CALN1: variants seen among roughly 807,000 people sequenced by gnomAD.
CALN1 encodes the protein calcium-binding protein 8.
Under a neutral mutation model 30.6 loss-of-function variants are expected in CALN1, and 17 were observed. That is an observed-to-expected ratio of 0.56 (90% CI 0.38 to 0.83). The LOEUF (loss-of-function observed/expected upper bound fraction) is 0.83. CALN1 is among the 40% of genes least tolerant of loss of function. The pLI is 0.00. For missense variants in CALN1, 291 were observed against 354.9 expected, an observed-to-expected ratio of 0.82 and a Z score of 1.45; for synonymous variants, 156 against 131.4, an observed-to-expected ratio of 1.19 and a Z score of -1.28.
chr7:72,501,207 G>A, the CALN1 span, among the ~76,000 whole-genome samples: 1 of 151,390 alleles, frequency 6.6e-6, no homozygotes, highest in African/African-American at 2.4e-5. Context: ...TTTCAAGGAT[G>A]AGTGGCTTCA....
intron 5 of CALN1, among the ~76,000 whole-genome samples, chr7:71,849,747 G>A (rs1159590730): frequency 6.6e-6 from 1 of 152,076 alleles, no homozygotes; most frequent in Non-Finnish European, 1.5e-5. Flanking sequence ...AGGCTCAATG[G>A]ATCCTCCCAC....
In CALN1 at chr7:72,149,454, G is replaced by A. The variant is rs901879701; in HGVS notation, c.245-43160C>T. Among the ~76,000 whole-genome samples, 3 of 152,034 alleles carry A rather than the reference G, an allele frequency of 2.0e-5. No individual in the cohort carries two copies. In the East Asian group the frequency reaches 5.8e-4, roughly 29 times the overall value. On this transcript the variant is annotated intron_variant, in intron 3 of 6. Coordinates refer to ENST00000395275, the MANE Select transcript of CALN1 (RefSeq NM_031468.4). ...TGCACTCCAGGCTGGGTGACAGAGTGAGACTGTGTCTCCAAAATAAATAAA... is the reference window on the plus strand; with the variant it reads ...TGCACTCCAGGCTGGGTGACAGAGTAAGACTGTGTCTCCAAAATAAATAAA...
chr7:71,805,587 C>T (rs539544008), intron 6 of CALN1, among the ~76,000 whole-genome samples: 7 of 152,234 alleles, frequency 4.6e-5, no homozygotes, highest in Non-Finnish European at 1.0e-4. Context: ...GAAAATTAAT[C>T]AAGGAAGAAG....
At chr7:71,849,379 A>G (rs1488277749) in intron 5 of CALN1, among the ~76,000 whole-genome samples, 1 of 150,342 alleles carries the variant, frequency 6.7e-6, no homozygotes, top group African/African-American at 2.4e-5. Flanking sequence ...CTGCATAGGT[A>G]TATGTGTGTC....
chr7:72,275,011 G>A (rs1004168242), intron 3 of CALN1, among the ~76,000 whole-genome samples: 4 of 152,014 alleles, frequency 2.6e-5, no homozygotes, highest in East Asian at 1.9e-4. Flanking sequence ...AACCATTCAC[G>A]AAGTGCACAC....
intron 2 of CALN1, among the ~76,000 whole-genome samples, chr7:72,295,936 T>C (rs2129555273): frequency 1.3e-5 from 2 of 152,138 alleles, no homozygotes; most frequent in South Asian, 2.1e-4. Context: ...ATCCCTGTCT[T>C]GTGCCAGTTT....
intron 3 of CALN1, among the ~76,000 whole-genome samples, chr7:72,247,077 A>G (rs1245063663): frequency 6.6e-6 from 1 of 151,518 alleles, no homozygotes; most frequent in Non-Finnish European, 1.5e-5. Flanking sequence ...CAATTTTTAT[A>G]TAATCACAGA....
At chr7:72,131,386 T>G (rs1432345238) in intron 3 of CALN1, among the ~76,000 whole-genome samples, 1 of 152,194 alleles carries the variant, frequency 6.6e-6, no homozygotes. Flanking sequence ...GATTCAGCAC[T>G]GAAACGGTGC....
intron 3 of CALN1, among the ~76,000 whole-genome samples, chr7:72,165,036 C>A (rs895301427): frequency 6.6e-6 from 1 of 152,096 alleles, no homozygotes; most frequent in Non-Finnish European, 1.5e-5. Context: ...TATACATTTA[C>A]CAAATTCATC....
chr7:72,501,370 T>TAA, the CALN1 span, among the ~76,000 whole-genome samples: 1,359 of 42,836 alleles, frequency 0.032, 117 homozygotes, highest in Non-Finnish European at 0.035. Flanking sequence ...ACGTCTCTAT[T>TAA]AAAAAAAAAA....
intron 5 of CALN1, among the ~76,000 whole-genome samples, chr7:71,846,919 T>C (rs1790292207): frequency 6.8e-6 from 1 of 146,562 alleles, no homozygotes; most frequent in Non-Finnish European, 1.5e-5. Flanking sequence ...CATACATATA[T>C]GTATATTATA....
intron 4 of CALN1, among the ~76,000 whole-genome samples, chr7:72,066,301 G>A (rs1804018105): frequency 6.6e-6 from 1 of 152,166 alleles, no homozygotes; most frequent in African/African-American, 2.4e-5. Context: ...GAGCCCTGGG[G>A]CACGTTACTG....
chr7:71,800,988 G>A (rs1406736738), intron 6 of CALN1, among the ~76,000 whole-genome samples: 1 of 151,908 alleles, frequency 6.6e-6, no homozygotes, highest in Non-Finnish European at 1.5e-5. Flanking sequence ...GACAGGCCCC[G>A]GTGTGTGATG....
At chr7:72,131,897 C>A (rs1809174507) in intron 3 of CALN1, among the ~76,000 whole-genome samples, 1 of 152,168 alleles carries the variant, frequency 6.6e-6, no homozygotes, top group African/African-American at 2.4e-5. Flanking sequence ...AGTCTTTCCA[C>A]TCCTGTGGCC....
intron 5 of CALN1, among the ~76,000 whole-genome samples, chr7:72,004,605 C>A (rs966509357): frequency 1.3e-5 from 2 of 152,076 alleles, no homozygotes; most frequent in Admixed American, 6.5e-5. Flanking sequence ...ATAAACTACA[C>A]ACTTGCAGAA....
intron 2 of CALN1, among the ~76,000 whole-genome samples, 159 bp from the exon 3 acceptor site, chr7:72,278,969 T>G (rs74998753): frequency 0.053 from 8,143 of 152,300 alleles, 324 homozygotes; most frequent in Non-Finnish European, 0.082. Context: ...AGGGTCCCAA[T>G]GACCTGAGCA....
At chr7:72,037,456 C>T (rs1167875050) in intron 4 of CALN1, among the ~76,000 whole-genome samples, 1 of 152,106 alleles carries the variant, frequency 6.6e-6, no homozygotes, top group Non-Finnish European at 1.5e-5. Flanking sequence ...AGCCTCCTTT[C>T]ATAATTTTTG....
At chr7:71,878,882 C>G (rs1052166684) in intron 5 of CALN1, among the ~76,000 whole-genome samples, 1 of 152,170 alleles carries the variant, frequency 6.6e-6, no homozygotes, top group African/African-American at 2.4e-5. Context: ...CCAAGAGGAG[C>G]AGAAGAATCA....
At chr7:71,857,285 T>C (rs1791013445) in intron 5 of CALN1, among the ~76,000 whole-genome samples, 1 of 152,140 alleles carries the variant, frequency 6.6e-6, no homozygotes, top group African/African-American at 2.4e-5. Context: ...TATTAAATAT[T>C]AGATTTTTGA....
Sources: allele counts gnomAD v4.1 joint callset (sites outside exome capture counted in the v4.1 genomes callset), GRCh38; gene constraint gnomAD v4.1.1; transcripts MANE v1.5; gene names NCBI Gene and HGNC (gene_info 2026-07-23, HGNC 2026-07-21).